Variants in UBE2V2 observed in about 807,000 individuals in gnomAD.
The protein encoded by UBE2V2 is ubiquitin conjugating enzyme E2 V2.
In UBE2V2, 9 loss-of-function variants were observed where a neutral mutation model predicts 17.2. The ratio of observed to expected loss-of-function variants is 0.52; its 90% confidence interval spans 0.32 to 0.91. UBE2V2 has a LOEUF of 0.91. Among genes scored for constraint, UBE2V2 ranks in the 40% least tolerant of loss-of-function variants. UBE2V2 has a pLI of 0.04. For missense variants in UBE2V2, 133 were observed against 182.6 expected (o/e 0.73, Z 1.56); for synonymous variants, 61 against 57.5 (o/e 1.06, Z -0.28).
chr8:48,013,310 C>CT (rs35999178), intron 1 of UBE2V2, among the ~76,000 whole-genome samples: 19,952 of 142,370 alleles, frequency 0.14, 2,204 homozygotes, highest in African/African-American at 0.29. Flanking sequence ...TAACGTGAAA[C>CT]TTTTTTTTTT....
At chr8:48,002,185 G>A in the UBE2V2 span, among the ~76,000 whole-genome samples, 8 of 152,090 alleles carry the variant, frequency 5.3e-5, no homozygotes, top group African/African-American at 1.7e-4. Flanking sequence ...TCTTAACATT[G>A]TTGCATTGGG....
upstream of UBE2V2, among the ~76,000 whole-genome samples, chr8:48,005,784 T>C (rs2154506441): frequency 6.6e-6 from 1 of 152,358 alleles, no homozygotes. Flanking sequence ...GATGAGCTTT[T>C]TTTCATGTTT....
At chr8:48,045,872 G>C (rs2091495233) in intron 2 of UBE2V2, among the ~76,000 whole-genome samples, 2 of 152,194 alleles carry the variant, frequency 1.3e-5, no homozygotes, top group South Asian at 4.1e-4. Context: ...TTTCTCCTTA[G>C]AAGGTGCAAT....
At chr8:48,036,510 T>C (rs1350119572) in intron 1 of UBE2V2, among the ~76,000 whole-genome samples, 1 of 151,984 alleles carries the variant, frequency 6.6e-6, no homozygotes. Context: ...CTTGGCTCAC[T>C]GCAACCTCTG....
chr8:48,045,670 CCTTT>C (rs1314830895), intron 2 of UBE2V2, among the ~76,000 whole-genome samples: 1 of 152,256 alleles, frequency 6.6e-6, no homozygotes, highest in South Asian at 2.1e-4. Flanking sequence ...CCCCTCACTT[CCTTT>C]GAGTGCCAGG....
At chr8:47,998,118 G>T in the UBE2V2 span, among the ~76,000 whole-genome samples, 2 of 151,986 alleles carry the variant, frequency 1.3e-5, no homozygotes, top group African/African-American at 4.8e-5. Flanking sequence ...CGTTGGAATC[G>T]AAAGTGCCAT....
intron 1 of UBE2V2, among the ~76,000 whole-genome samples, chr8:48,023,024 T>C (rs2091316196): frequency 6.6e-6 from 1 of 152,088 alleles, no homozygotes; most frequent in African/African-American, 2.4e-5. Context: ...AAGTCTCTTA[T>C]ATGTTATTTG....
At chr8:48,008,523 C>T in intron 1 of UBE2V2, 53 bp downstream of exon 1, 7 of 1,536,562 alleles carry the variant, frequency 4.6e-6, no homozygotes, top group South Asian at 2.4e-5. Flanking sequence ...GGCTCTGCCC[C>T]TCCGTCTGCT....
intron 2 of UBE2V2, among the ~76,000 whole-genome samples, chr8:48,045,028 A>G (rs1024894332): frequency 3.3e-5 from 5 of 151,990 alleles, no homozygotes; most frequent in African/African-American, 1.2e-4. Flanking sequence ...TCCTGGTGTC[A>G]CCGAACCTCA....
chr8:48,004,857 C>G, upstream of UBE2V2, among the ~76,000 whole-genome samples: 1 of 151,518 alleles, frequency 6.6e-6, no homozygotes, highest in South Asian at 2.1e-4. Flanking sequence ...AAGACAGTGT[C>G]TCATTCTGTT....
intron 2 of UBE2V2, chr8:48,049,460 C>T (rs953392497): frequency 2.1e-4 from 36 of 173,388 alleles, no homozygotes; most frequent in Non-Finnish European, 3.7e-4. Flanking sequence ...TAACACAAGT[C>T]TCAAGTAGCC....
the UBE2V2 span, among the ~76,000 whole-genome samples, chr8:48,003,038 C>T: frequency 8.6e-5 from 13 of 151,994 alleles, no homozygotes; most frequent in East Asian, 2.5e-3. Flanking sequence ...GGTGAAACCC[C>T]GTCTCTGCTA....
chr8:48,009,485 C>T (rs1037485099), intron 1 of UBE2V2, among the ~76,000 whole-genome samples: 4 of 152,040 alleles, frequency 2.6e-5, no homozygotes, highest in Admixed American at 6.6e-5. Context: ...AGACTGGTCT[C>T]GAACTCCTGA....
the UBE2V2 span, among the ~76,000 whole-genome samples, chr8:47,998,447 C>T: frequency 6.6e-6 from 1 of 151,940 alleles, no homozygotes; most frequent in Non-Finnish European, 1.5e-5. Flanking sequence ...AACCAGAAGC[C>T]TGGAGGCCGG....
rs192827121 is a variant in UBE2V2 at position 48,021,455 on chromosome 8, C to T, written c.16+12985C>T. Among the ~76,000 whole-genome samples, 294 of 151,818 alleles carry T rather than the reference C, an allele frequency of 1.9e-3. 1 individual carries two copies. The highest frequency in any genetic ancestry group is 6.5e-3 in the African/African-American group (268 of 41,406). ...CTGAGTAGCTGGGACTACAGGTGCC[C>T]ACCACCACGCCCGGCTAATATTTTG... On this transcript the variant is annotated intron_variant, in intron 1 of 3. Transcript: ENST00000523111.
chr8:48,006,243 T>A (rs891807898), upstream of UBE2V2, among the ~76,000 whole-genome samples: 1 of 152,218 alleles, frequency 6.6e-6, no homozygotes, highest in Non-Finnish European at 1.5e-5. Flanking sequence ...GCTACCCAGT[T>A]TTCCCAACAC....
At chr8:48,006,083 T>C (rs1176075340), upstream of UBE2V2, among the ~76,000 whole-genome samples, 1 of 152,256 alleles carries the variant, frequency 6.6e-6, no homozygotes, top group Non-Finnish European at 1.5e-5. Flanking sequence ...CATGAAGTCT[T>C]TGCCCATGCC....
At chr8:48,004,569 T>A (rs1309453712), upstream of UBE2V2, among the ~76,000 whole-genome samples, 1 of 151,078 alleles carries the variant, frequency 6.6e-6, no homozygotes, top group Non-Finnish European at 1.5e-5. Context: ...CTCGCTCTTG[T>A]CATCCAGGCT....
intron 3 of UBE2V2, among the ~76,000 whole-genome samples, chr8:48,057,635 C>CT (rs1343158200): frequency 7.3e-5 from 11 of 150,478 alleles, no homozygotes; most frequent in South Asian, 2.1e-4. Flanking sequence ...TTTTTTTTCT[C>CT]TTTTTTCTGG....
Sources: gnomAD v4.1 joint callset for allele counts (sites outside exome capture counted in the v4.1 genomes callset) on GRCh38, gnomAD v4.1.1 for gene constraint, MANE v1.5 for transcripts, NCBI Gene and HGNC (gene_info 2026-07-23, HGNC 2026-07-21) for gene names.